Variants in NEMF observed in about 807,000 individuals in gnomAD.
NEMF encodes ribosome quality control complex subunit NEMF.
Under a neutral mutation model 162.2 loss-of-function variants are expected in NEMF, and 89 were observed. That is an observed-to-expected ratio of 0.55 (90% CI 0.46 to 0.65). The LOEUF (loss-of-function observed/expected upper bound fraction) is 0.65. NEMF is among the 30% of genes least tolerant of loss of function. The pLI is 0.00. For missense variants in NEMF, 1,133 were observed against 1,261.9 expected (o/e 0.90, Z 1.55); for synonymous variants, 421 against 404.5 (o/e 1.04, Z -0.49).
chr14:49,851,902 A>ATGT (rs1264442166), intron 1 of NEMF, 27 bp from the exon 2 acceptor site: 2 of 1,326,448 alleles, frequency 1.5e-6, no homozygotes, highest in African/African-American at 3.0e-5. Context: ...AACATGTAAC[A>ATGT]TGTTACACTA....
intron 15 of NEMF, 65 bp downstream of exon 15, chr14:49,828,226 T>C: frequency 9.2e-7 from 1 of 1,084,920 alleles, no homozygotes; most frequent in South Asian, 1.3e-5. Context: ...ACAGAAGAAA[T>C]AATTATGTCC....
intron 26 of NEMF, among the ~76,000 whole-genome samples, chr14:49,792,610 G>A (rs550053386): frequency 6.6e-6 from 1 of 152,264 alleles, no homozygotes; most frequent in African/African-American, 2.4e-5. Context: ...CAAAAAACAG[G>A]CAGAGACGGT....
chr14:49,832,316 T>C (rs1323580476), intron 8 of NEMF, 39 bp from the exon 9 acceptor site: 2 of 1,344,846 alleles, frequency 1.5e-6, no homozygotes, highest in Admixed American at 4.3e-5. Flanking sequence ...CTATTCATAA[T>C]TAACAAAGAT....
Position 49,829,162 on chromosome 14 carries a change from C to T in NEMF, c.1124G>A (p.Trp375Ter). ...TTTCACAATTAACCCAATTTCTGTCCAATCTATCTGGTTAGCTAAAGCACT... is the reference window on the plus strand; with the variant it reads ...TTTCACAATTAACCCAATTTCTGTCTAATCTATCTGGTTAGCTAAAGCACT... ...VRSALANQIDWTEIGLIVKEA... is the reference protein window; with the variant it reads ...VRSALANQID Residue 375 changes from tryptophan (W) to a stop codon, truncating the protein, a stop_gained, in exon 13 of 33, where the codon TGG becomes TAG. Transcript: ENST00000298310. LOFTEE classifies it high-confidence loss of function. 6.2e-7 allele frequency: 1 copy of T among 1,614,128 alleles called. No homozygotes were observed. The highest frequency in any genetic ancestry group is 8.5e-7 in the Non-Finnish European group (1 of 1,179,998).
At chr14:49,852,222 G>A (rs780404541) in intron 1 of NEMF, among the ~76,000 whole-genome samples, 6 of 152,054 alleles carry the variant, frequency 3.9e-5, no homozygotes, top group Non-Finnish European at 8.8e-5. Flanking sequence ...AAGCTCACAG[G>A]GCTGAATAAT....
chr14:49,809,466 G>A (rs898417014), intron 18 of NEMF, among the ~76,000 whole-genome samples: 2 of 152,126 alleles, frequency 1.3e-5, no homozygotes, highest in Non-Finnish European at 2.9e-5. Flanking sequence ...AACAGGCAGG[G>A]CACAGAGGAC....
chr14:49,797,362 G>T (rs1890736714), intron 25 of NEMF: 1 of 151,764 alleles, frequency 6.6e-6, no homozygotes, highest in Non-Finnish European at 1.5e-5. Flanking sequence ...GCCAGGCGCG[G>T]TGGCTCACAC....
Position 49,783,144 on chromosome 14 carries a change from T to C in NEMF, c.*1492A>G, listed in dbSNP as rs1889991430. 4.6e-6 allele frequency: 2 copies of C among 437,634 alleles called. No homozygotes were observed. Among genetic ancestry groups the C allele is most frequent in the South Asian group, 5.4e-5 (1 of 18,434 alleles). The allele number at this position is 437,634 out of a possible 1,614,324, so 27.1% of individuals were successfully genotyped here. A position where few individuals can be genotyped will look rare whatever the true frequency, so the allele number is the denominator to read the frequency against. On this transcript the variant is annotated 3_prime_UTR_variant, in exon 33 of 33. Coordinates refer to ENST00000298310, the MANE Select transcript of NEMF (RefSeq NM_004713.6). ...AATAAATGTATTTAACACCAGTAGC[T>C]GTCCTCTATTAAAGTAAAGTAATGG...
chr14:49,782,653 C>T lies in NEMF; in HGVS notation c.*1983G>A. On this transcript the variant is annotated 3_prime_UTR_variant, in exon 33 of 33. Coordinates refer to ENST00000298310, the MANE Select transcript of NEMF (RefSeq NM_004713.6). ...TAAAATTGTGTTTCCTAAGACTTAG[C>T]ACTCTCGAAAAACTAGGTTTATGGA... The T allele has an allele frequency of 7.0e-7, 1 of 1,437,646 alleles. No homozygotes were observed. Among genetic ancestry groups the T allele is most frequent in the Non-Finnish European group, 9.5e-7 (1 of 1,049,902 alleles). The allele number at this position is 1,437,646 out of a possible 1,614,324, so 89.1% of individuals were successfully genotyped here.
intron 4 of NEMF, chr14:49,844,744 C>CAA: frequency 5.3e-6 from 1 of 189,344 alleles, no homozygotes; most frequent in Non-Finnish European, 1.3e-5. Flanking sequence ...CGCGCACACA[C>CAA]ACACACACAC....
rs187278362 is a variant in NEMF, at chr14:49,792,566, A to T, written c.2620-2993T>A. On this transcript the variant is annotated intron_variant, in intron 26 of 32. Coordinates refer to ENST00000298310, the MANE Select transcript of NEMF (RefSeq NM_004713.6). ...GAGCAGAAAAAGAGGGAAAGGTCCT[A>T]AACTTATTTTATGAAACTGGTATAA... 1.2e-4 allele frequency among the ~76,000 whole-genome samples: 18 copies of T among 152,330 alleles called. No homozygotes were observed. The East Asian group carries it at 2.7e-3, about 23-fold the overall frequency.
chr14:49,796,357 G>A, intron 25 of NEMF: 1 of 452,008 alleles, frequency 2.2e-6, no homozygotes, highest in Non-Finnish European at 4.4e-6. Context: ...CACAGGTTAA[G>A]AAGGAAGGGT....
At chr14:49,826,142 T>G (rs1454024492) in intron 15 of NEMF, among the ~76,000 whole-genome samples, 187 bp from the exon 16 acceptor site, 1 of 152,060 alleles carries the variant, frequency 6.6e-6, no homozygotes, top group African/African-American at 2.4e-5. Context: ...TATTTTTGCC[T>G]GAAGTATTAA....
intron 6 of NEMF, among the ~76,000 whole-genome samples, chr14:49,837,457 C>G (rs1235925822): frequency 6.6e-6 from 1 of 151,748 alleles, no homozygotes; most frequent in Non-Finnish European, 1.5e-5. Context: ...TTGAGACCAG[C>G]CTGGGCAACA....
At chr14:49,785,544 T>C (rs926766456) in intron 29 of NEMF, 1 of 457,172 alleles carries the variant, frequency 2.2e-6, no homozygotes, top group Non-Finnish European at 4.0e-6. Flanking sequence ...GCATAATAAG[T>C]AATGAGAACA....
chr14:49,811,146 T>C (rs1038693790), intron 18 of NEMF, among the ~76,000 whole-genome samples: 32 of 152,242 alleles, frequency 2.1e-4, no homozygotes, highest in Admixed American at 1.8e-3. Flanking sequence ...TTATAGTTTG[T>C]TATCTATAAG....
intron 19 of NEMF, among the ~76,000 whole-genome samples, chr14:49,803,637 T>C (rs1176394894): frequency 6.6e-6 from 1 of 152,060 alleles, no homozygotes; most frequent in Non-Finnish European, 1.5e-5. Context: ...GTGATTCTCC[T>C]GCCTCAGCCT....
chr14:49,803,628 T>C (rs7155120), intron 19 of NEMF, among the ~76,000 whole-genome samples: 147,508 of 152,080 alleles, frequency 0.97, 71,724 homozygotes, highest in Middle Eastern at 1. Context: ...TTGGTTGAAG[T>C]GATTCTCCTG....
In NEMF at chr14:49,782,842, A is replaced by G; in HGVS notation, c.*1794T>C. The G allele has an allele frequency of 6.2e-7, 1 of 1,613,790 alleles. No homozygotes were observed. The highest frequency in any genetic ancestry group is 8.5e-7 in the Non-Finnish European group (1 of 1,179,826). ...TGTCCACTTTCAGGCTAAGCTTAGA[A>G]GCAGTCATTTGCTTTAAAGAAATGT... is the stretch of plus-strand genomic sequence containing the variant. On this transcript the variant is annotated 3_prime_UTR_variant, in exon 33 of 33. Coordinates refer to ENST00000298310, the MANE Select transcript of NEMF (RefSeq NM_004713.6).
Sources: allele counts gnomAD v4.1 joint callset (sites outside exome capture counted in the v4.1 genomes callset), GRCh38; gene constraint gnomAD v4.1.1; transcripts MANE v1.5; gene names NCBI Gene and HGNC (gene_info 2026-07-23, HGNC 2026-07-21).